Variants in TXNRD2 observed in about 807,000 individuals in gnomAD.
TXNRD2 encodes thioredoxin reductase 2, mitochondrial.
TXNRD2 carries 67 observed loss-of-function variants against 70.8 expected under a neutral mutation model. The observed-to-expected ratio is 0.95, with a 90% CI of 0.78 to 1.16. TXNRD2 has a LOEUF of 1.16. Ranked by LOEUF, TXNRD2 falls within the 50% of genes most tolerant of loss-of-function variation. TXNRD2 has a pLI of 0.00. For synonymous variants in TXNRD2, 301 were observed against 295.8 expected (o/e 1.02, Z -0.18); for missense variants, 644 against 719.9 (o/e 0.89, Z 1.21).
rs201760306 is a variant in TXNRD2, at chr22:19,915,220, G to C, written c.585C>G (p.Pro195=). The C allele has an allele frequency of 2.1e-4, 346 of 1,613,806 alleles. No homozygotes were observed. The highest frequency in any genetic ancestry group is 2.7e-4 in the Non-Finnish European group (319 of 1,179,900). ...ATGCTCTGGGGACACTCACGTGCGTGGGGTATCTCGGCCGCCCTCCAGTAG... is the reference window on the plus strand; with the variant it reads ...ATGCTCTGGGGACACTCACGTGCGTCGGGTATCTCGGCCGCCCTCCAGTAG... ...IIATGGRPRY[P]THIEGALEYG... is the part of the protein sequence containing the mutation. The change falls in exon 7 of 18, where the codon CCC becomes CCG. Residue 195 remains proline (P), a synonymous_variant. Transcript: ENST00000400521.
intron 12 of TXNRD2, among the ~76,000 whole-genome samples, chr22:19,882,155 T>G (rs1938808132): frequency 1.3e-5 from 2 of 152,066 alleles, no homozygotes; most frequent in Admixed American, 1.3e-4. Flanking sequence ...GAGGGACGCC[T>G]GGGGCATCCT....
chr22:19,936,797 A>G (rs970923150), intron 1 of TXNRD2, among the ~76,000 whole-genome samples: 1 of 151,914 alleles, frequency 6.6e-6, no homozygotes, highest in Non-Finnish European at 1.5e-5. Flanking sequence ...TTATCTATAC[A>G]TACTTTTCCT....
intron 11 of TXNRD2, among the ~76,000 whole-genome samples, chr22:19,886,845 T>C (rs1362697454): frequency 6.6e-6 from 1 of 152,168 alleles, no homozygotes; most frequent in Non-Finnish European, 1.5e-5. Flanking sequence ...GGACAGGCAC[T>C]CTCAAGGCTC....
At chr22:19,890,593 A>G (rs1188362827) in intron 11 of TXNRD2, among the ~76,000 whole-genome samples, 4 of 151,926 alleles carry the variant, frequency 2.6e-5, no homozygotes, top group African/African-American at 4.8e-5. Flanking sequence ...CAGCATCCAC[A>G]CCCACCGCGG....
chr22:19,915,354 C>A lies in TXNRD2; in HGVS notation c.529-78G>T, dbSNP rs143213803. The A allele has an allele frequency of 9.3e-4, 1,379 of 1,483,594 alleles. 13 individuals are homozygous for A. The African/African-American group carries it at 0.018, about 19-fold the overall frequency. The allele number at this position is 1,483,594 out of a possible 1,614,324, so 91.9% of individuals were successfully genotyped here. On this transcript the variant is annotated intron_variant, in intron 6 of 17. Coordinates refer to ENST00000400521, the MANE Select transcript of TXNRD2 (RefSeq NM_006440.5). ...CACCGGAGGGCCTGAGCACCACAGA[C>A]CTTGGCCAGCAGTTCCCACGGCCCC...
chr22:19,898,510 C>CTTTTTTTTTTT (rs386394954), intron 9 of TXNRD2, among the ~76,000 whole-genome samples: 1 of 94,394 alleles, frequency 1.1e-5, no homozygotes, highest in Non-Finnish European at 2.0e-5. Flanking sequence ...CGGCTTGGGG[C>CTTTTTTTTTTT]TTTTTTTTTT....
intron 2 of TXNRD2, among the ~76,000 whole-genome samples, chr22:19,926,241 G>C (rs912997126): frequency 2.0e-5 from 3 of 151,602 alleles, no homozygotes; most frequent in African/African-American, 4.8e-5. Context: ...TGTAATACCG[G>C]CACTCTGGGA....
intron 14 of TXNRD2, among the ~76,000 whole-genome samples, chr22:19,879,422 C>G (rs79682614): frequency 1.3e-5 from 2 of 152,078 alleles, no homozygotes; most frequent in South Asian, 4.1e-4. Context: ...CAGGCCACCC[C>G]GGAGCCACAG....
intron 1 of TXNRD2, chr22:19,932,495 A>G (rs1941404837): frequency 6.3e-7 from 1 of 1,593,066 alleles, no homozygotes; most frequent in Admixed American, 1.7e-5. Context: ...AGGGATGGAG[A>G]AGGGACTGGA....
intron 8 of TXNRD2, among the ~76,000 whole-genome samples, chr22:19,910,455 T>G (rs1488699234): frequency 1.3e-5 from 2 of 152,150 alleles, no homozygotes. Context: ...GGGGACCCAC[T>G]GGAACCCCAG....
chr22:19,930,430 C>T (rs779348520), intron 2 of TXNRD2, among the ~76,000 whole-genome samples: 30 of 152,152 alleles, frequency 2.0e-4, no homozygotes, highest in Non-Finnish European at 3.2e-4. Flanking sequence ...GCCTGTGCAT[C>T]ACGTGGGTTA....
At chr22:19,902,863 G>T (rs1428844129) in intron 8 of TXNRD2, 1 of 482,664 alleles carries the variant, frequency 2.1e-6, no homozygotes, top group African/African-American at 2.0e-5. Flanking sequence ...AAATGGCTGT[G>T]GTTCTTCCCA....
Position 19,878,125 on chromosome 22 carries a change from T to C in TXNRD2, c.1410A>G (p.Ala470=). 6.2e-7 allele frequency: 1 copy of C among 1,613,528 alleles called. No individual in the cohort carries two copies. Among genetic ancestry groups the C allele is most frequent in the African/African-American group, 1.3e-5 (1 of 75,062 alleles). Residue 470 remains alanine, a synonymous_variant, in exon 16 of 18, where the codon GCA becomes GCG. Transcript: ENST00000400521. ...GAGCAAATCCTTGAGTAACTTCGCCTGCGTTGGGGCCAAGGAAATGCAGGC... is the reference window on the plus strand; with the variant it reads ...GAGCAAATCCTTGAGTAACTTCGCCCGCGTTGGGGCCAAGGAAATGCAGGC... ...VLGLHFLGPN[A]GEVTQGFALG...
intron 10 of TXNRD2, among the ~76,000 whole-genome samples, chr22:19,896,788 T>G (rs1435165275): frequency 1.3e-5 from 2 of 152,198 alleles, no homozygotes; most frequent in Admixed American, 1.3e-4. Context: ...CAGCTGGCTC[T>G]AGATGGCGTG....
chr22:19,909,886 CTCACACA>C lies in TXNRD2; in HGVS notation c.662+1484_662+1490del, dbSNP rs1325709513. Among the ~76,000 whole-genome samples the C allele has an allele frequency of 2.9e-3, 245 of 83,908 alleles. 1 individual carries two copies. The highest frequency in any genetic ancestry group is 4.0e-3 in the South Asian group (8 of 2,000). The allele number at this position is 83,908 out of a possible 152,430, so 55.0% of individuals were successfully genotyped here. On this transcript the variant is annotated intron_variant, in intron 8 of 17. Transcript: ENST00000400521. ...ACACACACACCACTCACACACACCACTCACACACACACACACCACACACCCACACCCT... is the reference window on the plus strand; with the variant it reads ...ACACACACACCACTCACACACACCACCACACACACCACACACCCACACCCT...
chr22:19,911,131 A>G (rs1274053135), intron 8 of TXNRD2: 1 of 600,624 alleles, frequency 1.7e-6, no homozygotes, highest in Non-Finnish European at 3.0e-6. Flanking sequence ...AGGTCTCACT[A>G]TATTGCCCAG....
intron 10 of TXNRD2, among the ~76,000 whole-genome samples, chr22:19,896,620 A>C (rs1397702263): frequency 6.6e-6 from 1 of 152,222 alleles, no homozygotes; most frequent in African/African-American, 2.4e-5. Context: ...CTCCCGGCCC[A>C]GGAGGCCTGT....
intron 8 of TXNRD2, among the ~76,000 whole-genome samples, chr22:19,904,913 A>G (rs1939939299): frequency 6.6e-6 from 1 of 152,250 alleles, no homozygotes; most frequent in African/African-American, 2.4e-5. Context: ...TTTCAGCTCC[A>G]TTTTAAAGGC....
At position 19,898,053 on chromosome 22, in the gene TXNRD2, G is replaced by C; in HGVS notation, c.760C>G (p.Arg254Gly). The C allele has an allele frequency of 1.3e-6, 2 of 1,558,734 alleles. No homozygotes were observed. The highest frequency in any genetic ancestry group is 1.7e-6 in the Non-Finnish European group (2 of 1,151,786). The change falls in exon 10 of 18, where the codon CGC becomes GGC. Residue 254 changes from arginine to glycine, a missense_variant. By Grantham distance (125) the Arg-to-Gly change is moderately radical. Around this residue, in one of 3 missense-constraint regions of TXNRD2, gnomAD observed 566 missense variants for 645.0 expected, o/e 0.88. Transcript: ENST00000400521. Reference protein sequence around the residue: ...TTIMMRSIPLRGFDQQMSSMV... With the variant: ...TTIMMRSIPLGGFDQQMSSMV... ...TCCAGCACTACCTGGTCGAAGCCGC[G>C]GAGGGGGATGCTGCGCATCATGATG...
Sources: gnomAD v4.1 joint callset for allele counts (sites outside exome capture counted in the v4.1 genomes callset) on GRCh38, gnomAD v4.1.1 for gene constraint, gnomAD v4.1.1 regional missense constraint, MANE v1.5 for transcripts, NCBI Gene and HGNC (gene_info 2026-07-23, HGNC 2026-07-21) for gene names.